The following NDUFA10 variants were observed in gnomAD, a reference collection of about 807,000 sequenced individuals.
NDUFA10 encodes NADH dehydrogenase [ubiquinone] 1 alpha subcomplex subunit 10, mitochondrial.
NDUFA10 carries 40 observed loss-of-function variants against 47.8 expected under a neutral mutation model. The observed-to-expected ratio is 0.84, with a 90% CI of 0.65 to 1.09. The LOEUF (loss-of-function observed/expected upper bound fraction) is 1.09, where lower values mean the gene tolerates loss of function less well. Ranked by LOEUF, NDUFA10 falls within the 50% of genes least tolerant of loss-of-function variation. NDUFA10 has a pLI of 0.00. For missense variants in NDUFA10, 413 were observed against 451.1 expected, an observed-to-expected ratio of 0.92 and a Z score of 0.76; for synonymous variants, 183 against 172.2, an observed-to-expected ratio of 1.06 and a Z score of -0.49.
chr2:240,022,923 A>C (rs1323171807), intron 1 of NDUFA10, among the ~76,000 whole-genome samples: 3 of 152,186 alleles, frequency 2.0e-5, no homozygotes, highest in African/African-American at 7.2e-5. Flanking sequence ...CCTAACAAGC[A>C]AAAGAGAGCA....
At chr2:239,899,406 C>G (rs1299385399) in intron 4 of NDUFA10, among the ~76,000 whole-genome samples, 7 of 57,554 alleles carry the variant, frequency 1.2e-4, no homozygotes, top group Admixed American at 8.1e-4. Context: ...AGGTATGATG[C>G]AGAGGTGTGA....
intron 8 of NDUFA10, among the ~76,000 whole-genome samples, chr2:240,001,746 G>A (rs774528015): frequency 4.6e-5 from 7 of 152,218 alleles, no homozygotes; most frequent in Non-Finnish European, 7.3e-5. Context: ...CCTTGCCACA[G>A]TTCACAGCAA....
intron 4 of NDUFA10, among the ~76,000 whole-genome samples, chr2:239,916,231 CACAG>C (rs200015931): frequency 0.092 from 13,639 of 148,684 alleles, 823 homozygotes; most frequent in East Asian, 0.28. Context: ...TACAGATACA[CACAG>C]ACAGACACAC....
chr2:239,985,793 C>T (rs1160665284), intron 9 of NDUFA10, among the ~76,000 whole-genome samples: 1 of 151,966 alleles, frequency 6.6e-6, no homozygotes, highest in Non-Finnish European at 1.5e-5. Flanking sequence ...TGCCTGTAGT[C>T]CCAACTACTC....
At chr2:239,968,303 G>A (rs1029514074) in intron 9 of NDUFA10, among the ~76,000 whole-genome samples, 4 of 152,208 alleles carry the variant, frequency 2.6e-5, no homozygotes, top group Non-Finnish European at 4.4e-5. Flanking sequence ...CACGCAATGC[G>A]CAGAGCACGG....
chr2:239,909,797 A>G (rs763374715), intron 4 of NDUFA10, among the ~76,000 whole-genome samples: 1 of 152,196 alleles, frequency 6.6e-6, no homozygotes, highest in Non-Finnish European at 1.5e-5. Context: ...GAAACTATCT[A>G]TCATCAGAGT....
At chr2:239,900,131 T>G (rs1261015945) in intron 4 of NDUFA10, among the ~76,000 whole-genome samples, 1 of 152,052 alleles carries the variant, frequency 6.6e-6, no homozygotes, top group Admixed American at 6.5e-5. Flanking sequence ...TTTTGGACTC[T>G]TGGACTTACA....
At chr2:240,013,141 T>C (rs1697205551) in intron 5 of NDUFA10, 2 of 152,250 alleles carry the variant, frequency 1.3e-5, no homozygotes, top group African/African-American at 4.8e-5. Context: ...TATTGATCAC[T>C]TTGACTGTTT....
intron 4 of NDUFA10, among the ~76,000 whole-genome samples, chr2:240,017,610 C>T (rs1697415712): frequency 1.3e-5 from 2 of 152,166 alleles, no homozygotes; most frequent in Admixed American, 1.3e-4. Context: ...TCCCTAGCAC[C>T]TAAGAGAGCC....
At chr2:240,006,204 A>G (rs943584585) in intron 7 of NDUFA10, among the ~76,000 whole-genome samples, 1 of 152,256 alleles carries the variant, frequency 6.6e-6, no homozygotes, top group African/African-American at 2.4e-5. Flanking sequence ...CTTCTAAGAT[A>G]CATGCCACCT....
At chr2:240,017,679 G>A (rs949852134) in intron 4 of NDUFA10, 1 of 696,116 alleles carries the variant, frequency 1.4e-6, no homozygotes. Flanking sequence ...TGCTCAGCAT[G>A]TCCAGGGAGG....
At chr2:239,938,308 G>A (rs530280463) in intron 4 of NDUFA10, among the ~76,000 whole-genome samples, 35 of 152,246 alleles carry the variant, frequency 2.3e-4, no homozygotes, top group African/African-American at 7.0e-4. Flanking sequence ...CAGGCTGGCC[G>A]TCCCACACCT....
At position 239,906,383 on chromosome 2, in the gene NDUFA10, T is replaced by A. The variant is rs1339477962; in HGVS notation, c.295-11069A>T. Among the ~76,000 whole-genome samples the A allele has an allele frequency of 6.6e-6, 1 of 152,116 alleles. No individual in the cohort carries two copies. The highest frequency in any genetic ancestry group is 1.5e-5 in the Non-Finnish European group (1 of 68,018). On this transcript the variant is annotated intron_variant, in intron 4 of 5. Coordinates refer to the NDUFA10 transcript ENST00000419408. This position sits in a 1 kb window ranked among gnomAD's most constrained non-coding sequence, Gnocchi z 4.3. ...ATTTTCTGGGATACTCAGGGCACCT[T>A]CACCTCAGCACCCCAGCTGACCCTT...
At chr2:239,988,541 T>C (rs1696098836) in intron 9 of NDUFA10, among the ~76,000 whole-genome samples, 1 of 152,104 alleles carries the variant, frequency 6.6e-6, no homozygotes, top group Non-Finnish European at 1.5e-5. Flanking sequence ...GGAGAAGGAC[T>C]GAGGGCAGAG....
intron 9 of NDUFA10, among the ~76,000 whole-genome samples, chr2:239,989,730 T>C (rs995328006): frequency 1.2e-4 from 18 of 152,222 alleles, no homozygotes; most frequent in African/African-American, 4.3e-4. Context: ...GAACCCTCAT[T>C]ATTTACAGAC....
In NDUFA10 at chr2:239,960,839, G is replaced by C. The variant is rs1045874487; in HGVS notation, c.*279C>G. 7.4e-7 allele frequency: 1 copy of C among 1,352,416 alleles called. No individual in the cohort carries two copies. Among genetic ancestry groups the C allele is most frequent in the Non-Finnish European group, 9.6e-7 (1 of 1,044,188 alleles). 83.8% of individuals were successfully genotyped at this position (1,352,416 alleles called of 1,614,324 possible). On this transcript the variant is annotated 3_prime_UTR_variant, in exon 10 of 10. Coordinates refer to ENST00000252711, the MANE Select transcript of NDUFA10 (RefSeq NM_004544.4). ...GCGCTGAAACCACAGGGGCTGCCGA[G>C]AGCTGGCCTTTCACAGCAGACCACT...
At chr2:240,004,291 T>G (rs6437230) in intron 8 of NDUFA10, among the ~76,000 whole-genome samples, 1 of 152,148 alleles carries the variant, frequency 6.6e-6, no homozygotes, top group Admixed American at 6.5e-5. Flanking sequence ...GCAGTTTCAA[T>G]AGAGTGGTGC....
chr2:239,960,681 T>C lies in NDUFA10; in HGVS notation c.*437A>G. On this transcript the variant is annotated 3_prime_UTR_variant, in exon 10 of 10. Coordinates refer to ENST00000252711, the MANE Select transcript of NDUFA10 (RefSeq NM_004544.4). ...ACACCAAACAGGGCCCAGAGCAGCG[T>C]GTGTGCACGTGTGCAGTTTCGACGT... The C allele has an allele frequency of 8.9e-7, 1 of 1,125,904 alleles. No individual in the cohort carries two copies. The highest frequency in any genetic ancestry group is 1.1e-6 in the Non-Finnish European group (1 of 909,772). 69.7% of individuals were successfully genotyped at this position (1,125,904 alleles called of 1,614,324 possible).
In NDUFA10 at chr2:239,945,170, C is replaced by G. The variant is rs1362035109; in HGVS notation, c.294+44904G>C. Among the ~76,000 whole-genome samples the G allele has an allele frequency of 1.3e-5, 2 of 152,260 alleles. No individual in the cohort carries two copies. Among genetic ancestry groups the G allele is most frequent in the African/African-American group, 2.4e-5 (1 of 41,552 alleles). ...CCCCGGCACCCCTCCCGCAGGAGGG[C>G]CTGACTGGGGAGGAAATGACAAGCC... On this transcript the variant is annotated intron_variant, in intron 4 of 5. Transcript: ENST00000419408. This position sits in a 1 kb window ranked among gnomAD's most constrained non-coding sequence, Gnocchi z 4.6.
Sources: gnomAD v4.1 joint callset for allele counts (sites outside exome capture counted in the v4.1 genomes callset) on GRCh38, gnomAD v4.1.1 for gene constraint, Gnocchi (gnomAD v3.1) non-coding constraint, MANE v1.5 for transcripts, NCBI Gene and HGNC (gene_info 2026-07-23, HGNC 2026-07-21) for gene names.